The following NRG1 variants were observed in gnomAD, a reference collection of about 807,000 sequenced individuals.
NRG1 encodes the protein pro-neuregulin-1, membrane-bound isoform.
A neutral mutation model predicts 63.8 loss-of-function variants in NRG1; 18 were observed. The observed-to-expected ratio is 0.28, with a 90% CI of 0.19 to 0.42. NRG1 has a LOEUF of 0.42. NRG1 is among the 10% of genes least tolerant of loss of function. The pLI, the probability that NRG1 is intolerant of heterozygous loss-of-function variation, is 1.00. For missense variants in NRG1, 762 were observed against 814.7 expected, an observed-to-expected ratio of 0.94 and a Z score of 0.79; for synonymous variants, 302 against 301.3, an observed-to-expected ratio of 1.00 and a Z score of -0.02.
Position 31,879,695 on chromosome 8 carries a change from C to T in NRG1, c.37+240264C>T, listed in dbSNP as rs188754576. Among the ~76,000 whole-genome samples the T allele has an allele frequency of 6.7e-4, 102 of 152,132 alleles. 1 individual carries two copies. Among genetic ancestry groups the T allele is most frequent in the African/African-American group, 1.7e-3 (70 of 41,506 alleles). ...TACCTGGTAGTTATCTTTTCTGCTC[C>T]GCTTCCCTCCTCCTACCCTCCACCC... is the stretch of plus-strand genomic sequence containing the variant. On this transcript the variant is annotated intron_variant, in intron 1 of 10. Transcript: ENST00000519301.
chr8:32,458,458 C>T (rs908704766), intron 1 of NRG1, among the ~76,000 whole-genome samples: 1 of 152,194 alleles, frequency 6.6e-6, no homozygotes, highest in South Asian at 2.1e-4. Flanking sequence ...TAACCAGAGA[C>T]TTTATCCTGA....
chr8:32,629,041 A>G (rs1849805341), intron 5 of NRG1, among the ~76,000 whole-genome samples: 1 of 152,016 alleles, frequency 6.6e-6, no homozygotes, highest in Non-Finnish European at 1.5e-5. Flanking sequence ...GCCCCTGCTT[A>G]TTTTTTAAGG....
chr8:31,870,779 G>C (rs1417561060), intron 1 of NRG1, among the ~76,000 whole-genome samples: 1 of 151,868 alleles, frequency 6.6e-6, no homozygotes. Context: ...GAAAAACCTT[G>C]TTGTAGGCTG....
intron 1 of NRG1, among the ~76,000 whole-genome samples, chr8:31,657,994 C>T (rs565861544): frequency 1.3e-5 from 2 of 152,306 alleles, no homozygotes; most frequent in Admixed American, 6.5e-5. Flanking sequence ...GTAGACTTTC[C>T]TGTTTATCAT....
chr8:32,651,398 A>G (rs1490569603), intron 5 of NRG1, among the ~76,000 whole-genome samples: 4 of 152,136 alleles, frequency 2.6e-5, no homozygotes, highest in Admixed American at 6.5e-5. Flanking sequence ...TTACTTCTCA[A>G]TGAGTCACAT....
chr8:32,562,350 T>C (rs933531418), intron 1 of NRG1, among the ~76,000 whole-genome samples: 1 of 152,068 alleles, frequency 6.6e-6, no homozygotes, highest in African/African-American at 2.4e-5. Context: ...TGGGCTCTAG[T>C]GATCCTCCCA....
In NRG1 at chr8:31,770,348, T is replaced by G. The variant is rs190700592; in HGVS notation, c.37+130917T>G. 2.5e-3 allele frequency among the ~76,000 whole-genome samples: 387 copies of G among 152,250 alleles called. 3 individuals are homozygous for G. Among genetic ancestry groups the G allele is most frequent in the Admixed American group, 4.5e-3 (69 of 15,274 alleles). On this transcript the variant is annotated intron_variant, in intron 1 of 10. Coordinates refer to the NRG1 transcript ENST00000519301. ...ATTCTTTTTGTTTTGTCATTTATCC[T>G]GGTAAAAGTCAAGTTGCTGCAGCGT...
chr8:32,187,338 G>A (rs1842064984), intron 1 of NRG1, among the ~76,000 whole-genome samples: 1 of 152,170 alleles, frequency 6.6e-6, no homozygotes. Context: ...TGCATGGTGT[G>A]TTAAATGTTA....
At chr8:31,707,368 A>G (rs554865368) in intron 1 of NRG1, among the ~76,000 whole-genome samples, 1 of 152,202 alleles carries the variant, frequency 6.6e-6, no homozygotes, top group Non-Finnish European at 1.5e-5. Flanking sequence ...CTGTTTATTT[A>G]TGTGCCAGTA....
chr8:32,742,603 C>T lies in NRG1; in HGVS notation c.633-72C>T. The stretch of plus-strand genomic sequence containing the variant: ...CAGTCAAATGACACTGAAGGAGCTT[C>T]TTTCTAGCATATATTCACCTCTTCT... On this transcript the variant is annotated intron_variant, in intron 6 of 11. Transcript: ENST00000356819. This position sits in a 1 kb window ranked among gnomAD's most constrained non-coding sequence, Gnocchi z 4.2. 2.1e-6 allele frequency: 3 copies of T among 1,427,280 alleles called. No homozygotes were observed. The highest frequency in any genetic ancestry group is 2.9e-6 in the Non-Finnish European group (3 of 1,018,034). 88.4% of individuals were successfully genotyped at this position (1,427,280 alleles called of 1,614,324 possible).
chr8:32,287,294 T>G (rs1390048315), intron 1 of NRG1: 2 of 152,140 alleles, frequency 1.3e-5, no homozygotes, highest in Non-Finnish European at 2.9e-5. Flanking sequence ...ACAGAACATC[T>G]GGATTCAAGA....
chr8:32,491,540 C>T (rs1339830998), intron 1 of NRG1, among the ~76,000 whole-genome samples: 2 of 152,126 alleles, frequency 1.3e-5, no homozygotes, highest in African/African-American at 4.8e-5. Context: ...AGCTTCATTT[C>T]CCTTCCCTTC....
intron 1 of NRG1, among the ~76,000 whole-genome samples, chr8:32,015,603 G>A (rs1484331316): frequency 6.6e-6 from 1 of 152,078 alleles, no homozygotes; most frequent in Non-Finnish European, 1.5e-5. Flanking sequence ...CAACCTGAAG[G>A]TGACACTTGT....
chr8:32,583,310 G>T (rs937579604), intron 1 of NRG1, among the ~76,000 whole-genome samples: 11 of 151,990 alleles, frequency 7.2e-5, no homozygotes, highest in Non-Finnish European at 1.6e-4. Flanking sequence ...TCCTTTTTCT[G>T]CTCAAGATGA....
chr8:32,438,843 T>C (rs1819125633), intron 1 of NRG1, among the ~76,000 whole-genome samples: 2 of 152,176 alleles, frequency 1.3e-5, no homozygotes, highest in Admixed American at 1.3e-4. Flanking sequence ...TTTAGTGAAA[T>C]GCTTCTCTGT....
At chr8:31,949,222 C>T (rs1398117268) in intron 1 of NRG1, among the ~76,000 whole-genome samples, 1 of 152,098 alleles carries the variant, frequency 6.6e-6, no homozygotes, top group Non-Finnish European at 1.5e-5. Flanking sequence ...CTTATTATAC[C>T]TATTTTGCAG....
intron 1 of NRG1, among the ~76,000 whole-genome samples, chr8:32,320,500 G>C (rs1801257557): frequency 6.6e-6 from 1 of 152,158 alleles, no homozygotes; most frequent in Admixed American, 6.5e-5. Context: ...TTACAATCAT[G>C]GCAGAAGGTG....
intron 1 of NRG1, among the ~76,000 whole-genome samples, chr8:31,960,443 C>G (rs1021715363): frequency 6.6e-6 from 1 of 152,192 alleles, no homozygotes; most frequent in Non-Finnish European, 1.5e-5. Context: ...TGATAGGCTT[C>G]TGGATGGCTT....
At chr8:32,740,167 C>CT (rs1378499897) in intron 6 of NRG1, among the ~76,000 whole-genome samples, 6 of 129,676 alleles carry the variant, frequency 4.6e-5, no homozygotes, top group Non-Finnish European at 9.9e-5. Context: ...GAAATGGCGT[C>CT]TTTTTGAGAA....
Sources: gnomAD v4.1 joint callset for allele counts (sites outside exome capture counted in the v4.1 genomes callset) on GRCh38, gnomAD v4.1.1 for gene constraint, Gnocchi (gnomAD v3.1) non-coding constraint, MANE v1.5 for transcripts, NCBI Gene and HGNC (gene_info 2026-07-23, HGNC 2026-07-21) for gene names.